Variants in CCDC144A observed in about 807,000 individuals in gnomAD.
CCDC144A encodes coiled-coil domain containing 144A, also known as coiled-coil domain-containing protein 144A.
Under a neutral mutation model 143.8 loss-of-function variants are expected in CCDC144A, and 41 were observed. The observed-to-expected ratio is 0.29, with a 90% CI of 0.22 to 0.37. The LOEUF is 0.37. Ranked by LOEUF, CCDC144A falls within the 10% of genes least tolerant of loss-of-function variation. The pLI, the probability that CCDC144A is intolerant of heterozygous loss-of-function variation, is 1.00. For missense variants in CCDC144A, 637 were observed against 1,488.8 expected (o/e 0.43, Z 9.41); for synonymous variants, 242 against 517.9 (o/e 0.47, Z 7.23).
chr17:16,683,865 G>A, the CCDC144A span: 5 of 1,393,362 alleles, frequency 3.6e-6, no homozygotes, highest in Non-Finnish European at 4.1e-6. Context: ...TCCTACATGG[G>A]AGACTTCGTC....
intron 12 of CCDC144A, among the ~76,000 whole-genome samples, chr17:16,758,098 G>A (rs1162788744): frequency 2.6e-5 from 4 of 152,210 alleles, no homozygotes; most frequent in Admixed American, 6.5e-5. Flanking sequence ...CAGCCATCTC[G>A]ATGATGTCTC....
intron 1 of CCDC144A, chr17:16,691,738 C>T (rs1466980264): frequency 6.6e-6 from 1 of 152,184 alleles, no homozygotes; most frequent in Non-Finnish European, 1.5e-5. Flanking sequence ...GCACTCCAGC[C>T]TGGGTGACAG....
chr17:16,771,624 G>A (rs1381707568), intron 15 of CCDC144A, among the ~76,000 whole-genome samples: 8 of 152,254 alleles, frequency 5.3e-5, no homozygotes, highest in South Asian at 2.1e-4. Flanking sequence ...TTGATAAAGG[G>A]CAGAGTTTTG....
chr17:16,717,327 G>A (rs1398639340), intron 6 of CCDC144A, among the ~76,000 whole-genome samples: 1 of 151,034 alleles, frequency 6.6e-6, no homozygotes, highest in Admixed American at 6.6e-5. Flanking sequence ...GGCCAGGATG[G>A]TCTCGATCTA....
At chr17:16,678,846 C>G in the CCDC144A span, among the ~76,000 whole-genome samples, 58 of 148,836 alleles carry the variant, frequency 3.9e-4, 4 homozygotes, top group South Asian at 8.1e-3. Flanking sequence ...CCTCTGCCTT[C>G]CGGGTTCAAG....
At chr17:16,684,333 C>A in the CCDC144A span, 2 of 704,158 alleles carry the variant, frequency 2.8e-6, no homozygotes, top group African/African-American at 3.6e-5. Context: ...ATAACAATTT[C>A]CATGAAGTTA....
chr17:16,667,311 G>GGGCTGAGGA, the CCDC144A span, among the ~76,000 whole-genome samples: 2 of 127,874 alleles, frequency 1.6e-5, no homozygotes, highest in African/African-American at 2.6e-5. Context: ...GGCGGCTGAG[G>GGGCTGAGGA]GGCTGAGGAG....
At position 16,725,744 on chromosome 17, in the gene CCDC144A, C is replaced by G. The variant is rs1310388434; in HGVS notation, c.1892-1783C>G. Among the ~76,000 whole-genome samples, 10 of 145,318 alleles carry G rather than the reference C, an allele frequency of 6.9e-5. No homozygotes were observed. In the East Asian group the frequency reaches 2.0e-3, roughly 29 times the overall value. On this transcript the variant is annotated intron_variant, in intron 8 of 16. Coordinates refer to ENST00000399273, the MANE Select transcript of CCDC144A (RefSeq NM_001382000.1). Reference sequence around the variant, plus strand: ...CCACTAAAGAACTTATTCATGTAACCAAGGACCACCTGTTACCCCAAAAGC... The same window carrying G: ...CCACTAAAGAACTTATTCATGTAACGAAGGACCACCTGTTACCCCAAAAGC...
the CCDC144A span, among the ~76,000 whole-genome samples, chr17:16,676,321 G>A: frequency 6.6e-6 from 1 of 151,878 alleles, no homozygotes; most frequent in African/African-American, 2.4e-5. Context: ...AGAGCAGCCT[G>A]GCCAACATGG....
chr17:16,753,428 G>GTTTTTTTTTTTTTTTTTTTTT, intron 12 of CCDC144A, among the ~76,000 whole-genome samples: 3 of 57,376 alleles, frequency 5.2e-5, no homozygotes, highest in African/African-American at 1.4e-4. Context: ...GTGTTTTGTA[G>GTTTTTTTTTTTTTTTTTTTTT]TTTTTTTTTT....
At chr17:16,674,350 G>C in the CCDC144A span, among the ~76,000 whole-genome samples, 1 of 152,106 alleles carries the variant, frequency 6.6e-6, no homozygotes, top group African/African-American at 2.4e-5. Context: ...AAAAGTTGAG[G>C]CTGCAGAAGG....
At chr17:16,766,201 A>T (rs1597596068) in intron 15 of CCDC144A, 1 of 152,516 alleles carries the variant, frequency 6.6e-6, no homozygotes, top group East Asian at 1.9e-4. Context: ...GGTGAGAGAC[A>T]AACAGTTGCA....
chr17:16,674,075 T>C, the CCDC144A span, among the ~76,000 whole-genome samples: 23 of 152,254 alleles, frequency 1.5e-4, no homozygotes, highest in Admixed American at 8.5e-4. Flanking sequence ...TTTTAAGGAA[T>C]AGGTATTTAA....
rs188333540 is a variant in CCDC144A, at chr17:16,770,657, G to A, written c.4099-1320G>A. ...TTGACTAAATCAGTGACATTCATAC[G>A]TTTAAGTAAATCTCTTTTTTTTTTA... On this transcript the variant is annotated intron_variant, in intron 15 of 16. Transcript: ENST00000399273. 2.0e-3 allele frequency among the ~76,000 whole-genome samples: 307 copies of A among 151,990 alleles called. 1 individual carries two copies. The highest frequency in any genetic ancestry group is 3.1e-3 in the Non-Finnish European group (214 of 67,970).
chr17:16,701,790 A>C (rs1351675534), intron 2 of CCDC144A, among the ~76,000 whole-genome samples: 1 of 150,504 alleles, frequency 6.6e-6, no homozygotes, highest in Non-Finnish European at 1.5e-5. Context: ...CGTAACGGGG[A>C]GGGTGGGGAA....
intron 6 of CCDC144A, among the ~76,000 whole-genome samples, chr17:16,716,987 G>A (rs1457099545): frequency 6.6e-6 from 1 of 150,760 alleles, no homozygotes; most frequent in Non-Finnish European, 1.5e-5. Flanking sequence ...CTAATTTTTT[G>A]TATTTTTAGT....
chr17:16,709,334 G>A lies in CCDC144A; in HGVS notation c.1277G>A (p.Ser426Asn), dbSNP rs1322235362. Residue 426 changes from serine to asparagine, a missense_variant, in exon 5 of 17, where the codon AGC becomes AAC. By Grantham distance (46) the Ser-to-Asn change is conservative. Coordinates refer to ENST00000399273, the MANE Select transcript of CCDC144A (RefSeq NM_001382000.1). ...STDKNFHNDA[S>N]TKKARNPEVV... The stretch of plus-strand genomic sequence containing the variant: ...GATAAGAACTTTCATAATGATGCAA[G>A]CACTAAGAAAGCAAGGAACCCAGAA... 1.2e-6 allele frequency: 2 copies of A among 1,611,450 alleles called. No individual in the cohort carries two copies. The highest frequency in any genetic ancestry group is 2.2e-5 in the South Asian group (2 of 90,980).
chr17:16,681,593 C>T, the CCDC144A span, among the ~76,000 whole-genome samples: 39 of 152,052 alleles, frequency 2.6e-4, no homozygotes, highest in African/African-American at 8.9e-4. Context: ...CATGGTGGCT[C>T]ACGCCTGTAA....
At chr17:16,720,730 T>C in intron 8 of CCDC144A, 72 bp downstream of exon 8, 2 of 1,580,772 alleles carry the variant, frequency 1.3e-6, no homozygotes. Flanking sequence ...TGCTGAGAAC[T>C]GACGTGTGAT....
Sources: allele counts gnomAD v4.1 joint callset (sites outside exome capture counted in the v4.1 genomes callset), GRCh38; gene constraint gnomAD v4.1.1; transcripts MANE v1.5; gene names NCBI Gene and HGNC (gene_info 2026-07-23, HGNC 2026-07-21).